Variants in DLGAP4 observed in about 807,000 individuals in gnomAD.
DLGAP4 encodes the protein DLG associated protein 4.
Under a neutral mutation model 86.9 loss-of-function variants are expected in DLGAP4, and 18 were observed. The observed-to-expected ratio is 0.21, with a 90% CI of 0.14 to 0.31. The LOEUF (loss-of-function observed/expected upper bound fraction) is 0.31. Ranked by LOEUF, DLGAP4 falls within the 10% of genes least tolerant of loss-of-function variation. The pLI is 1.00. For missense variants in DLGAP4, 1,085 were observed against 1,362.6 expected (o/e 0.80, Z 3.21); for synonymous variants, 548 against 574.3 (o/e 0.95, Z 0.65).
chr20:36,474,843 A>G (rs1196773872), intron 7 of DLGAP4, among the ~76,000 whole-genome samples: 2 of 152,188 alleles, frequency 1.3e-5, no homozygotes, highest in Non-Finnish European at 2.9e-5. Flanking sequence ...TTGAGTGCCA[A>G]GTGCTGTGCC....
At chr20:36,396,217 G>C (rs936037541) in intron 2 of DLGAP4, among the ~76,000 whole-genome samples, 1 of 151,842 alleles carries the variant, frequency 6.6e-6, no homozygotes, top group African/African-American at 2.4e-5. Context: ...CAGCACCGCA[G>C]AAGTGCAGTG....
At chr20:36,442,865 G>T in intron 6 of DLGAP4, 88 bp downstream of exon 6, 1 of 1,555,786 alleles carries the variant, frequency 6.4e-7, no homozygotes. Flanking sequence ...CCAGCACCCG[G>T]CCCAGGCTGG....
At chr20:36,462,412 G>C in intron 7 of DLGAP4, 1 of 1,479,600 alleles carries the variant, frequency 6.8e-7, no homozygotes, top group South Asian at 1.4e-5. Flanking sequence ...TTGCGCTGAA[G>C]GCCCCCCTTT....
At chr20:36,492,526 T>C (rs1244753146) in intron 7 of DLGAP4, 1 of 152,290 alleles carries the variant, frequency 6.6e-6, no homozygotes, top group Non-Finnish European at 1.5e-5. Flanking sequence ...AGAGAGAGGC[T>C]GGAGGGTCAG....
chr20:36,429,332 G>T (rs923935604), intron 2 of DLGAP4, among the ~76,000 whole-genome samples: 1 of 150,978 alleles, frequency 6.6e-6, no homozygotes, highest in African/African-American at 2.4e-5. Context: ...CCCTGCCTTG[G>T]CCTCCAAAAG....
intron 1 of DLGAP4, among the ~76,000 whole-genome samples, chr20:36,319,257 C>T (rs2065142500): frequency 6.6e-6 from 1 of 152,172 alleles, no homozygotes; most frequent in South Asian, 2.1e-4. Flanking sequence ...CCCCACTCTG[C>T]TCACTGGCTA....
chr20:36,461,743 G>A, intron 7 of DLGAP4: 1 of 903,782 alleles, frequency 1.1e-6, no homozygotes, highest in Non-Finnish European at 1.3e-6. Flanking sequence ...CCGTCCGTCC[G>A]TCCGTCCGCC....
chr20:36,355,678 T>C (rs1474048170), intron 1 of DLGAP4, among the ~76,000 whole-genome samples: 4 of 152,268 alleles, frequency 2.6e-5, no homozygotes, highest in Non-Finnish European at 4.4e-5. Context: ...TATTCCATTT[T>C]ATGGACATTC....
chr20:36,467,275 G>A (rs2034460077), intron 7 of DLGAP4, among the ~76,000 whole-genome samples: 1 of 152,252 alleles, frequency 6.6e-6, no homozygotes, highest in Non-Finnish European at 1.5e-5. Context: ...GCATGAGCCA[G>A]AGGAAACAAG....
chr20:36,330,371 T>C lies in DLGAP4; in HGVS notation c.-304+23859T>C, dbSNP rs530584109. Among the ~76,000 whole-genome samples the C allele has an allele frequency of 2.0e-5, 3 of 152,108 alleles. No individual in the cohort carries two copies. The East Asian group carries it at 5.8e-4, about 29-fold the overall frequency. ...TCTATGCCCCAGGCTAGAGCCAAGG[T>C]TGGACTCTGAGTGGAGATTATGGAG... On this transcript the variant is annotated intron_variant, in intron 1 of 12. Transcript: ENST00000339266.
chr20:36,436,653 T>C (rs1411782105), intron 4 of DLGAP4, among the ~76,000 whole-genome samples: 1 of 151,958 alleles, frequency 6.6e-6, no homozygotes, highest in Non-Finnish European at 1.5e-5. Context: ...CCCGTCTCTA[T>C]TAAAAATACA....
chr20:36,467,015 CTCCTCTCT>C (rs2034410114), intron 7 of DLGAP4, among the ~76,000 whole-genome samples: 3 of 92,094 alleles, frequency 3.3e-5, no homozygotes, highest in African/African-American at 4.3e-5. Context: ...CTCTCTCTCT[CTCCTCTCT>C]CTCTCTCTCT....
At chr20:36,412,690 T>A (rs1412687127) in intron 2 of DLGAP4, among the ~76,000 whole-genome samples, 1 of 152,206 alleles carries the variant, frequency 6.6e-6, no homozygotes, top group Non-Finnish European at 1.5e-5. Flanking sequence ...GTAGGAAGCA[T>A]CTGATCAGTA....
intron 7 of DLGAP4, among the ~76,000 whole-genome samples, chr20:36,476,318 CTTTTT>C (rs1028980966): frequency 8.4e-6 from 1 of 119,638 alleles, no homozygotes; most frequent in Non-Finnish European, 1.8e-5. Context: ...TGGCAACCAC[CTTTTT>C]TTTTTTTTTT....
intron 10 of DLGAP4, among the ~76,000 whole-genome samples, chr20:36,510,088 C>A (rs2036606549): frequency 6.6e-6 from 1 of 152,068 alleles, no homozygotes; most frequent in Admixed American, 6.6e-5. Flanking sequence ...CCGCCTGCCT[C>A]AGCCTCCCAA....
At chr20:36,524,906 G>C (rs1056300068) in intron 11 of DLGAP4, among the ~76,000 whole-genome samples, 65 of 151,304 alleles carry the variant, frequency 4.3e-4, no homozygotes, top group African/African-American at 1.5e-3. Flanking sequence ...GCGAAACTCT[G>C]TCTCAAAAAT....
chr20:36,351,915 G>C (rs1254813060), intron 1 of DLGAP4, among the ~76,000 whole-genome samples: 3 of 152,186 alleles, frequency 2.0e-5, no homozygotes, highest in Non-Finnish European at 4.4e-5. Flanking sequence ...CCACCTGTGG[G>C]TGTGATGTGC....
chr20:36,498,909 C>T (rs2036000089), intron 8 of DLGAP4: 3 of 269,358 alleles, frequency 1.1e-5, no homozygotes, highest in African/African-American at 2.3e-5. Context: ...GACAGCTTTC[C>T]ACTTGGCCCT....
chr20:36,525,254 A>AAAAAAAC (rs1569527332), intron 11 of DLGAP4, among the ~76,000 whole-genome samples: 1 of 62,460 alleles, frequency 1.6e-5, no homozygotes, highest in African/African-American at 3.8e-5. Flanking sequence ...AAAAAAAAAA[A>AAAAAAAC]CAAAGAAATC....
Sources: allele counts gnomAD v4.1 joint callset (sites outside exome capture counted in the v4.1 genomes callset), GRCh38; gene constraint gnomAD v4.1.1; transcripts MANE v1.5; gene names NCBI Gene and HGNC (gene_info 2026-07-23, HGNC 2026-07-21).